The following COLGALT2 variants were observed in gnomAD, a reference collection of about 807,000 sequenced individuals.
COLGALT2 encodes procollagen galactosyltransferase 2.
COLGALT2 carries 49 observed loss-of-function variants against 73.4 expected under a neutral mutation model. The observed-to-expected ratio is 0.67, with a 90% CI of 0.53 to 0.85. The LOEUF (loss-of-function observed/expected upper bound fraction) is 0.85, where lower values mean the gene tolerates loss of function less well. Ranked by LOEUF, COLGALT2 falls within the 40% of genes least tolerant of loss-of-function variation. The pLI, the probability that COLGALT2 is intolerant of heterozygous loss-of-function variation, is 0.00. For missense variants in COLGALT2, 722 were observed against 790.2 expected (o/e 0.91, Z 1.03); for synonymous variants, 295 against 307.6 (o/e 0.96, Z 0.43).
chr1:183,936,633 T>C lies in COLGALT2; in HGVS notation c.*2128A>G. ...CCCATTAAAAAAGTCATTAAAGTCA[T>C]GCACACATGCACACACTCAAATATG... On this transcript the variant is annotated 3_prime_UTR_variant, in exon 12 of 12. Coordinates refer to ENST00000361927, the MANE Select transcript of COLGALT2 (RefSeq NM_015101.4). 8.3e-7 allele frequency: 1 copy of C among 1,211,248 alleles called. No individual in the cohort carries two copies. The highest frequency in any genetic ancestry group is 1.0e-6 in the Non-Finnish European group (1 of 975,794). 75.0% of individuals were successfully genotyped at this position (1,211,248 alleles called of 1,614,324 possible). A position where few individuals can be genotyped will look rare whatever the true frequency, so the allele number is the denominator to read the frequency against.
In COLGALT2 at chr1:183,969,378, A is replaced by T. The variant is rs767343150; in HGVS notation, c.723T>A (p.Ile241=). ...TGTCCGAGGCCTCCTTCCTGAGGTC[A>T]ATTAGGAAGGTGGAGTGGACCATGG... ...PVPMVHSTFL[I]DLRKEASDKL... is the part of the protein sequence containing the mutation. Residue 241 remains isoleucine, a synonymous_variant, in exon 5 of 12, where the codon ATT becomes ATA. Transcript: ENST00000361927. The T allele has an allele frequency of 6.2e-7, 1 of 1,613,762 alleles. No individual in the cohort carries two copies.
rs1311914584 is a variant in COLGALT2, at chr1:183,952,557, A to G, written c.1030-1444T>C. Among the ~76,000 whole-genome samples, 4 of 152,230 alleles carry G rather than the reference A, an allele frequency of 2.6e-5. No homozygotes were observed. The East Asian group carries it at 7.7e-4, about 29-fold the overall frequency. On this transcript the variant is annotated intron_variant, in intron 7 of 11. Transcript: ENST00000361927. ...GTGTTAAGGTTTGGTTCACATGGTC[A>G]TTCTGAATGCAGTCATAAATATATG...
intron 3 of COLGALT2, among the ~76,000 whole-genome samples, chr1:183,974,174 T>A (rs191451210): frequency 2.4e-4 from 37 of 152,316 alleles, no homozygotes; most frequent in South Asian, 4.1e-4. Flanking sequence ...TCAAAACAGA[T>A]CTATCAATGA....
At position 184,010,255 on chromosome 1, in the gene COLGALT2, G is replaced by A. The variant is rs1672200677; in HGVS notation, c.263+26840C>T. Among the ~76,000 whole-genome samples the A allele has an allele frequency of 5.9e-5, 9 of 152,216 alleles. No homozygotes were observed. The South Asian group carries it at 1.7e-3, about 28-fold the overall frequency. On this transcript the variant is annotated intron_variant, in intron 1 of 11. Transcript: ENST00000361927. The stretch of plus-strand genomic sequence containing the variant: ...AATACCAAAGTTTCCAATTCTTAAA[G>A]AGAAGGCAGAAATCCAGATTTTTAT...
At chr1:184,025,623 T>A (rs2102858164) in intron 1 of COLGALT2, among the ~76,000 whole-genome samples, 1 of 152,318 alleles carries the variant, frequency 6.6e-6, no homozygotes, top group African/African-American at 2.4e-5. Flanking sequence ...AGCTCCTTCA[T>A]AAGAAGGTCT....
chr1:183,989,728 G>A (rs984381241), intron 1 of COLGALT2, among the ~76,000 whole-genome samples: 1 of 152,230 alleles, frequency 6.6e-6, no homozygotes, highest in African/African-American at 2.4e-5. Flanking sequence ...TAAAAAGTAT[G>A]AAGTCAGGAG....
chr1:184,015,601 C>G (rs1436748861), intron 1 of COLGALT2, among the ~76,000 whole-genome samples: 2 of 152,242 alleles, frequency 1.3e-5, no homozygotes, highest in Admixed American at 1.3e-4. Context: ...GTTGTGCTCA[C>G]TCTCCCTGTG....
At chr1:183,933,628 G>C (rs1051299421), downstream of COLGALT2, among the ~76,000 whole-genome samples, 2 of 151,946 alleles carry the variant, frequency 1.3e-5, no homozygotes, top group Non-Finnish European at 2.9e-5. Flanking sequence ...TAAGAACAGA[G>C]AGAGAGAGAG....
rs1670010240 is a variant in COLGALT2, at chr1:183,938,188, G to C, written c.*573C>G. ...AAATACCCACCCCTACTGGATAACA[G>C]GGACTAAGATTTTTTTTTTTTAAAA... On this transcript the variant is annotated 3_prime_UTR_variant, in exon 12 of 12. Coordinates refer to ENST00000361927, the MANE Select transcript of COLGALT2 (RefSeq NM_015101.4). The C allele has an allele frequency of 1.0e-6, 1 of 974,298 alleles. No individual in the cohort carries two copies. The highest frequency in any genetic ancestry group is 1.2e-6 in the Non-Finnish European group (1 of 826,262). The allele number at this position is 974,298 out of a possible 1,614,324, so 60.4% of individuals were successfully genotyped here.
Position 184,024,089 on chromosome 1 carries a change from G to A in COLGALT2, c.263+13006C>T, listed in dbSNP as rs531111454. 5.3e-5 allele frequency among the ~76,000 whole-genome samples: 8 copies of A among 152,264 alleles called. No homozygotes were observed. The South Asian group carries it at 1.5e-3, about 28-fold the overall frequency. On this transcript the variant is annotated intron_variant, in intron 1 of 11. Coordinates refer to ENST00000361927, the MANE Select transcript of COLGALT2 (RefSeq NM_015101.4). ...CCATCTTAAATAATGTGGCAATAGCGTGAGTTGTTTCATTTTTCATGGCAT... is the reference window on the plus strand; with the variant it reads ...CCATCTTAAATAATGTGGCAATAGCATGAGTTGTTTCATTTTTCATGGCAT...
intron 1 of COLGALT2, among the ~76,000 whole-genome samples, chr1:183,981,240 T>C (rs1163380913): frequency 6.6e-6 from 1 of 152,150 alleles, no homozygotes; most frequent in African/African-American, 2.4e-5. Flanking sequence ...TCATCAAAAA[T>C]ATATATGATA....
intron 1 of COLGALT2, among the ~76,000 whole-genome samples, chr1:184,005,802 A>G (rs1672058117): frequency 6.6e-6 from 1 of 152,236 alleles, no homozygotes; most frequent in Non-Finnish European, 1.5e-5. Flanking sequence ...ATGAGTTCAC[A>G]GATGAGGCCA....
In COLGALT2 at chr1:184,037,179, A is replaced by G. The variant is rs1394048992; in HGVS notation, c.179T>C (p.Leu60Pro). The G allele has an allele frequency of 6.2e-7, 1 of 1,604,738 alleles. No homozygotes were observed. The highest frequency in any genetic ancestry group is 8.5e-7 in the Non-Finnish European group (1 of 1,177,204). Residue 60 changes from leucine (L) to proline (P), a missense_variant, in exon 1 of 12, where the codon CTC becomes CCC. Transcript: ENST00000361927. ...CAGCGTGTGCGCCGCGTTGCGGGCG[A>G]GGACCGCCACGAGCACCGTGGGGCT... ...LQSPTVLVAV[L>P]ARNAAHTLPH...
At chr1:183,971,516 T>A (rs887457423) in intron 4 of COLGALT2, among the ~76,000 whole-genome samples, 2 of 152,172 alleles carry the variant, frequency 1.3e-5, no homozygotes, top group Non-Finnish European at 1.5e-5. Context: ...AAAACAACCC[T>A]CAAGTGATTC....
chr1:183,973,804 T>G (rs1056678585), intron 3 of COLGALT2, 54 bp from the exon 4 acceptor site: 3 of 1,573,906 alleles, frequency 1.9e-6, no homozygotes, highest in Middle Eastern at 1.7e-4. Context: ...AGTAATGAGT[T>G]TGAGAATAAC....
At chr1:184,027,282 TC>T (rs1392346949) in intron 1 of COLGALT2, among the ~76,000 whole-genome samples, 1 of 152,192 alleles carries the variant, frequency 6.6e-6, no homozygotes, top group Admixed American at 6.5e-5. Context: ...AATCCCATGA[TC>T]TGTACTTTAA....
rs529123412 is a variant in COLGALT2 at position 184,003,975 on chromosome 1, C to T, written c.264-25455G>A. Among the ~76,000 whole-genome samples, 11 of 152,240 alleles carry T rather than the reference C, an allele frequency of 7.2e-5. No homozygotes were observed. In the South Asian group the frequency reaches 1.9e-3, roughly 26 times the overall value. ...AAAATCAGATATCATACTCCCACAA[C>T]TATAGTATGTCAACATGATACAAAC... On this transcript the variant is annotated intron_variant, in intron 1 of 11. Transcript: ENST00000361927.
downstream of COLGALT2, among the ~76,000 whole-genome samples, chr1:183,935,045 TC>T (rs1171605599): frequency 1.3e-5 from 2 of 152,170 alleles, no homozygotes; most frequent in Non-Finnish European, 2.9e-5. Flanking sequence ...CCTACTGAGT[TC>T]CCATGAATCC....
intron 6 of COLGALT2, among the ~76,000 whole-genome samples, chr1:183,959,226 T>C (rs1002011331): frequency 1.3e-5 from 2 of 152,198 alleles, no homozygotes; most frequent in Admixed American, 1.3e-4. Context: ...CCTGTGTTCT[T>C]TTACTACATG....
Sources: gnomAD v4.1 joint callset for allele counts (sites outside exome capture counted in the v4.1 genomes callset) on GRCh38, gnomAD v4.1.1 for gene constraint, MANE v1.5 for transcripts, NCBI Gene and HGNC (gene_info 2026-07-23, HGNC 2026-07-21) for gene names.